The following RTL4 variants were observed in gnomAD, a reference collection of about 807,000 sequenced individuals.
RTL4 encodes the protein retrotransposon Gag like 4.
RTL4 carries 4 observed loss-of-function variants against 5.3 expected under a neutral mutation model. The ratio of observed to expected loss-of-function variants is 0.75; its 90% CI spans 0.37 to 1.72. The LOEUF (loss-of-function observed/expected upper bound fraction) is 1.72, where lower values mean the gene tolerates loss of function less well. RTL4 is among the 40% of genes most tolerant of loss of function. The pLI is 0.04. For missense variants in RTL4, 260 were observed against 227.1 expected, an observed-to-expected ratio of 1.14 and a Z score of -0.93; for synonymous variants, 98 against 87.3, an observed-to-expected ratio of 1.12 and a Z score of -0.68.
At chrX:112,277,347 T>C in the RTL4 span, among the ~76,000 whole-genome samples, 1 of 111,765 alleles carries the variant, frequency 8.9e-6, no homozygotes, top group African/African-American at 3.3e-5. Context: ...CCCAAAGATA[T>C]TGACCTTGGA....
the RTL4 span, among the ~76,000 whole-genome samples, chrX:112,340,548 G>C: frequency 1.3e-5 from 1 of 79,396 alleles, no homozygotes; most frequent in Non-Finnish European, 2.2e-5. Context: ...AGACCCACGG[G>C]AATAGTAATG....
the RTL4 span, among the ~76,000 whole-genome samples, chrX:112,339,327 C>T: frequency 2.7e-5 from 3 of 111,546 alleles, no homozygotes; most frequent in African/African-American, 9.8e-5. Context: ...TTAATAATTA[C>T]ATTAGGGTAA....
At chrX:112,376,920 T>C in the RTL4 span, among the ~76,000 whole-genome samples, 1 of 112,235 alleles carries the variant, frequency 8.9e-6, no homozygotes, top group African/African-American at 3.2e-5. Context: ...TTCTGAATGT[T>C]TTGCAGAGCA....
At chrX:112,280,453 C>T in the RTL4 span, among the ~76,000 whole-genome samples, 2 of 111,321 alleles carry the variant, frequency 1.8e-5, no homozygotes, top group South Asian at 7.6e-4. Flanking sequence ...CATGTATCCA[C>T]TGAATCTAAG....
the RTL4 span, among the ~76,000 whole-genome samples, chrX:112,335,588 G>T: frequency 9.1e-6 from 1 of 109,929 alleles, no homozygotes; most frequent in Non-Finnish European, 1.9e-5. Context: ...ATGTCTTATG[G>T]GTTTTATTAT....
At chrX:112,089,722 T>A in the RTL4 span, among the ~76,000 whole-genome samples, 1 of 111,845 alleles carries the variant, frequency 8.9e-6, no homozygotes, top group East Asian at 2.8e-4. Flanking sequence ...GTTAAGATTG[T>A]TTTGGCTGTT....
the RTL4 span, among the ~76,000 whole-genome samples, chrX:112,090,346 T>A: frequency 9.0e-6 from 1 of 111,207 alleles, no homozygotes. Context: ...AAGATTTAAA[T>A]TTTTCACTAC....
At chrX:112,361,665 C>T in the RTL4 span, among the ~76,000 whole-genome samples, 1,651 of 110,718 alleles carry the variant, frequency 0.015, 33 homozygotes, top group African/African-American at 0.051. Context: ...TCCTCTGCCA[C>T]GTCTGGACAA....
At chrX:112,248,811 A>G in the RTL4 span, among the ~76,000 whole-genome samples, 1 of 112,405 alleles carries the variant, frequency 8.9e-6, no homozygotes, top group Non-Finnish European at 1.9e-5. Context: ...AGTAGAAAGT[A>G]TAAGGGCCTA....
the RTL4 span, among the ~76,000 whole-genome samples, chrX:112,227,109 TG>T: frequency 5.4e-5 from 6 of 111,121 alleles, no homozygotes; most frequent in Admixed American, 1.9e-4. Context: ...AGCTTGTCTT[TG>T]GTGATTCAGC....
the RTL4 span, among the ~76,000 whole-genome samples, chrX:112,302,699 A>G: frequency 8.9e-6 from 1 of 112,375 alleles, no homozygotes; most frequent in African/African-American, 3.2e-5. Context: ...TCATTGAACA[A>G]ATATTTTTCG....
At chrX:112,414,119 C>G in the RTL4 span, among the ~76,000 whole-genome samples, 3 of 111,415 alleles carry the variant, frequency 2.7e-5, no homozygotes, top group African/African-American at 9.8e-5. Flanking sequence ...GTAAGGTTAG[C>G]TCTTTTCAGG....
the RTL4 span, among the ~76,000 whole-genome samples, chrX:112,331,638 C>A: frequency 3.7e-5 from 4 of 107,759 alleles, no homozygotes; most frequent in Non-Finnish European, 3.8e-5. Context: ...TACCATTTGA[C>A]CCAGCCATGC....
the RTL4 span, among the ~76,000 whole-genome samples, chrX:112,171,163 G>T: frequency 9.0e-6 from 1 of 110,892 alleles, no homozygotes; most frequent in African/African-American, 3.3e-5. Flanking sequence ...TTTTATTGAG[G>T]TTTTTTTTGC....
the RTL4 span, among the ~76,000 whole-genome samples, chrX:112,387,357 C>CTT: frequency 0.019 from 1,831 of 94,628 alleles, 49 homozygotes; most frequent in African/African-American, 0.067. Flanking sequence ...ACCTATTTAT[C>CTT]TTTTTTTTTT....
chrX:112,186,237 G>A, the RTL4 span, among the ~76,000 whole-genome samples: 2 of 111,655 alleles, frequency 1.8e-5, no homozygotes, highest in Non-Finnish European at 3.8e-5. Context: ...ATGTCTCCTG[G>A]GACCAATTCT....
the RTL4 span, among the ~76,000 whole-genome samples, chrX:112,348,372 T>G: frequency 1.9e-5 from 2 of 104,691 alleles, no homozygotes; most frequent in African/African-American, 3.7e-5. Flanking sequence ...TAATTTGTGT[T>G]TTTTTTTTTT....
the RTL4 span, among the ~76,000 whole-genome samples, chrX:112,305,431 C>T: frequency 2.7e-5 from 3 of 109,262 alleles, no homozygotes; most frequent in African/African-American, 1.0e-4. Flanking sequence ...GGTGCCATCT[C>T]GGCTCACTGC....
At chrX:112,402,964 C>T in the RTL4 span, among the ~76,000 whole-genome samples, 2 of 111,366 alleles carry the variant, frequency 1.8e-5, no homozygotes, top group Non-Finnish European at 3.8e-5. Context: ...CAGAAGCGAA[C>T]GTCTTGAATT....
Sources: allele counts gnomAD v4.1 joint callset (sites outside exome capture counted in the v4.1 genomes callset), GRCh38; gene constraint gnomAD v4.1.1; transcripts MANE v1.5; gene names NCBI Gene and HGNC (gene_info 2026-07-23, HGNC 2026-07-21).